SREK1: variants seen among roughly 807,000 people sequenced by gnomAD.
The protein encoded by SREK1 is splicing regulatory glutamine/lysine-rich protein 1.
SREK1 carries 13 observed loss-of-function variants against 66.5 expected under a neutral mutation model. That is an observed-to-expected ratio of 0.20 (90% CI 0.13 to 0.31). The LOEUF (loss-of-function observed/expected upper bound fraction) is 0.31. Among genes scored for constraint, SREK1 ranks in the 10% least tolerant of loss-of-function variants. The probability of loss-of-function intolerance (pLI) is 1.00; values close to 1 mark genes in which losing one functional copy is unlikely to be tolerated. For synonymous variants in SREK1, 265 were observed against 263.5 expected, an observed-to-expected ratio of 1.01 and a Z score of -0.05; for missense variants, 607 against 769.6, an observed-to-expected ratio of 0.79 and a Z score of 2.50.
chr5:66,153,082 G>A (rs1743985080), intron 1 of SREK1, among the ~76,000 whole-genome samples: 3 of 152,114 alleles, frequency 2.0e-5, no homozygotes, highest in Admixed American at 2.0e-4. Context: ...AGGAAGAGTT[G>A]GAATGATGAT....
In SREK1 at chr5:66,144,467, A is replaced by T; in HGVS notation, c.91A>T (p.Thr31Ser). Residue 31 changes from threonine to serine, a missense_variant, in exon 1 of 12, where the codon ACC (threonine) becomes TCC (serine). By Grantham distance (58) the Thr-to-Ser change is moderately conservative. Transcript: ENST00000334121. ...IQVTNLSSAV[T>S]SEQMRTLFSF... ...GGTGACGAATCTGTCGTCGGCGGTG[A>T]CCAGCGAGCAGATGCGGACGCTTTT... 1 of 1,552,736 alleles carries T rather than the reference A, an allele frequency of 6.4e-7. No individual in the cohort carries two copies. Among genetic ancestry groups the T allele is most frequent in the Non-Finnish European group, 8.7e-7 (1 of 1,147,584 alleles).
chr5:66,156,896 T>G, intron 2 of SREK1: 2 of 966,216 alleles, frequency 2.1e-6, no homozygotes, highest in Non-Finnish European at 2.4e-6. Flanking sequence ...ATTCTGAGAT[T>G]AGGACTATAA....
Position 66,183,302 on chromosome 5 carries a change from TGGTA to T in SREK1, c.*4439_*4442del, listed in dbSNP as rs1406196119. On this transcript the variant is annotated 3_prime_UTR_variant, in exon 12 of 12. Transcript: ENST00000334121. ...TTGATTTCAACCATTTTGAGGGTAC[TGGTA>T]GGTAACACACTGTTGGGGAATAAAC... 6.6e-6 allele frequency: 1 copy of T among 152,184 alleles called. No homozygotes were observed. The highest frequency in any genetic ancestry group is 6.5e-5 in the Admixed American group (1 of 15,272). The allele number at this position is 152,184 out of a possible 1,614,324, so 9.4% of individuals were successfully genotyped here. A position where few individuals can be genotyped will look rare whatever the true frequency, so the allele number is the denominator to read the frequency against.
At chr5:66,161,391 G>A (rs757812094) in intron 3 of SREK1, among the ~76,000 whole-genome samples, 5 of 152,136 alleles carry the variant, frequency 3.3e-5, no homozygotes, top group African/African-American at 4.8e-5. Context: ...CTATTTGCAC[G>A]GAGGTCGAAA....
At chr5:66,175,773 C>T (rs887765126) in intron 10 of SREK1, among the ~76,000 whole-genome samples, 15 of 152,116 alleles carry the variant, frequency 9.9e-5, no homozygotes, top group Admixed American at 9.2e-4. Context: ...TGTCTGTATA[C>T]TCTGCCCATT....
At chr5:66,150,506 C>T (rs1481500279) in intron 1 of SREK1, among the ~76,000 whole-genome samples, 1 of 152,048 alleles carries the variant, frequency 6.6e-6, no homozygotes, top group Non-Finnish European at 1.5e-5. Flanking sequence ...CAGAATAGTA[C>T]CTTTAAGGAA....
At chr5:66,152,352 G>T (rs1743920820) in intron 1 of SREK1, among the ~76,000 whole-genome samples, 1 of 152,174 alleles carries the variant, frequency 6.6e-6, no homozygotes, top group South Asian at 2.1e-4. Context: ...GAATTACAAA[G>T]AAATCTGGAT....
chr5:66,157,203 AC>A, intron 2 of SREK1: 14 of 981,684 alleles, frequency 1.4e-5, no homozygotes, highest in Non-Finnish European at 1.7e-5. Flanking sequence ...ATAGTAGTAT[AC>A]TCTTTTGAAA....
chr5:66,168,864 A>G (rs1745385380), intron 7 of SREK1: 1 of 152,190 alleles, frequency 6.6e-6, no homozygotes, highest in Non-Finnish European at 1.5e-5. Context: ...AGATTTTTAA[A>G]CATTTATTTT....
intron 1 of SREK1, among the ~76,000 whole-genome samples, chr5:66,151,013 G>A (rs188371383): frequency 6.6e-6 from 1 of 152,028 alleles, no homozygotes; most frequent in Non-Finnish European, 1.5e-5. Context: ...GCTAATTTTT[G>A]TATTTTTAGT....
chr5:66,164,454 G>A (rs1049131122), intron 6 of SREK1: 1 of 710,020 alleles, frequency 1.4e-6, no homozygotes, highest in African/African-American at 1.8e-5. Flanking sequence ...TCAACACTTA[G>A]AATTTAAGCT....
intron 7 of SREK1, 24 bp downstream of exon 7, chr5:66,164,921 T>C (rs1206735730): frequency 2.5e-6 from 4 of 1,572,902 alleles, no homozygotes; most frequent in Non-Finnish European, 3.5e-6. Flanking sequence ...CTGTCATATT[T>C]AAATTTTATT....
At chr5:66,172,291 C>G (rs1474062967) in intron 9 of SREK1, among the ~76,000 whole-genome samples, 1 of 152,074 alleles carries the variant, frequency 6.6e-6, no homozygotes, top group Non-Finnish European at 1.5e-5. Flanking sequence ...TTTTTAATAA[C>G]GAATTTACTT....
In SREK1 at chr5:66,162,440, A is replaced by G. The variant is rs759694295; in HGVS notation, c.603A>G (p.Glu201=). The change falls in exon 5 of 12, where the codon GAA becomes GAG. Residue 201 remains glutamate, a synonymous_variant. Transcript: ENST00000334121. ...SQTTTADQLL[E]FFKQVGEVKF... The stretch of plus-strand genomic sequence containing the variant: ...CAACGACAGCTGATCAACTACTTGA[A>G]TTTTTTAAACAAGTTGGAGAAGTGA... 10 of 1,614,016 alleles carry G rather than the reference A, an allele frequency of 6.2e-6. 1 individual carries two copies. The South Asian group carries it at 9.9e-5, about 16-fold the overall frequency.
rs1746677340 is a variant in SREK1, at chr5:66,183,595, A to C, written c.*4727A>C. ...CTATTATGTTGCTATATTTTTAATA[A>C]AATGAAAATCTTAAAATCTTGCCAC... On this transcript the variant is annotated 3_prime_UTR_variant, in exon 12 of 12. Transcript: ENST00000334121. The C allele has an allele frequency of 6.6e-6, 1 of 152,212 alleles. No homozygotes were observed. Among genetic ancestry groups the C allele is most frequent in the African/African-American group, 2.4e-5 (1 of 41,468 alleles). 9.4% of individuals were successfully genotyped at this position (152,212 alleles called of 1,614,324 possible).
chr5:66,172,717 A>T (rs930071419), intron 9 of SREK1, among the ~76,000 whole-genome samples: 3 of 152,036 alleles, frequency 2.0e-5, no homozygotes, highest in Non-Finnish European at 4.4e-5. Flanking sequence ...TTCAGTAACA[A>T]CTGGGGCCTT....
chr5:66,147,368 A>G (rs1317903626), intron 1 of SREK1, among the ~76,000 whole-genome samples: 1 of 152,008 alleles, frequency 6.6e-6, no homozygotes, highest in Non-Finnish European at 1.5e-5. Flanking sequence ...TTTTCAGTAA[A>G]TTTTTCATTG....
At chr5:66,170,974 A>G (rs760902405) in intron 9 of SREK1, 27 bp downstream of exon 9, 4 of 1,573,530 alleles carry the variant, frequency 2.5e-6, no homozygotes, top group Non-Finnish European at 2.6e-6. Flanking sequence ...AATTTTTACA[A>G]AGGGATTTGC....
chr5:66,144,921 A>C, intron 1 of SREK1: 3 of 994,466 alleles, frequency 3.0e-6, no homozygotes, highest in Non-Finnish European at 3.6e-6. Context: ...CCACTCTGAA[A>C]ATCGCGGAGA....
Sources: gnomAD v4.1 joint callset for allele counts (sites outside exome capture counted in the v4.1 genomes callset) on GRCh38, gnomAD v4.1.1 for gene constraint, MANE v1.5 for transcripts, NCBI Gene and HGNC (gene_info 2026-07-23, HGNC 2026-07-21) for gene names.